CNGA1: variants seen among roughly 807,000 people sequenced by gnomAD.
CNGA1 encodes cyclic nucleotide-gated channel alpha-1.
Under a neutral mutation model 69.7 loss-of-function variants are expected in CNGA1, and 53 were observed. The observed-to-expected ratio is 0.76, with a 90% confidence interval of 0.61 to 0.96. The LOEUF is 0.96. Ranked by LOEUF, CNGA1 falls within the 40% of genes least tolerant of loss-of-function variation. The pLI is 0.00. For synonymous variants in CNGA1, 249 were observed against 283.5 expected (o/e 0.88, Z 1.22); for missense variants, 739 against 811.2 (o/e 0.91, Z 1.08).
At chr4:47,943,494 C>T (rs1739219884) in intron 6 of CNGA1, 82 bp from the exon 7 acceptor site, 3 of 919,220 alleles carry the variant, frequency 3.3e-6, no homozygotes, top group Non-Finnish European at 4.8e-6. Flanking sequence ...GCAAAAATCT[C>T]AGCTTTGCAT....
At chr4:47,993,218 G>A (rs966912293) in intron 2 of CNGA1, among the ~76,000 whole-genome samples, 3 of 152,064 alleles carry the variant, frequency 2.0e-5, no homozygotes, top group Admixed American at 2.0e-4. Flanking sequence ...GATTTAGGGA[G>A]GGTTCCCTCA....
intron 3 of CNGA1, among the ~76,000 whole-genome samples, chr4:47,964,739 C>T (rs1439779981): frequency 6.6e-6 from 1 of 151,998 alleles, no homozygotes; most frequent in East Asian, 1.9e-4. Context: ...ATGGAATTTG[C>T]ATTAAAATCA....
rs561165895 is a variant in CNGA1 at position 47,971,061 on chromosome 4, C to T, written c.-15+10332G>A. 2.8e-4 allele frequency: 129 copies of T among 453,570 alleles called. No homozygotes were observed. The highest frequency in any genetic ancestry group is 1.4e-3 in the Middle Eastern group (4 of 2,802). The allele number at this position is 453,570 out of a possible 1,614,324, so 28.1% of individuals were successfully genotyped here. ...TGAAGACTGCAGTGAGCCGAGATCG[C>T]GCCACTGCACTCCAGCCTGGGCGAA... On this transcript the variant is annotated intron_variant, in intron 3 of 10. Coordinates refer to ENST00000514170, the MANE Select transcript of CNGA1 (RefSeq NM_001379270.1).
intron 2 of CNGA1, among the ~76,000 whole-genome samples, chr4:48,008,572 G>T (rs321647): frequency 0.18 from 26,688 of 151,944 alleles, 2,527 homozygotes; most frequent in Middle Eastern, 0.24. Flanking sequence ...TATAACTTTA[G>T]ATTCTAAATT....
intron 2 of CNGA1, among the ~76,000 whole-genome samples, chr4:47,982,772 G>A (rs1205332084): frequency 6.6e-6 from 1 of 151,450 alleles, no homozygotes; most frequent in African/African-American, 2.4e-5. Context: ...CCTATTATTG[G>A]ATATTTTTTC....
intron 3 of CNGA1, among the ~76,000 whole-genome samples, chr4:47,969,380 G>A (rs1740892213): frequency 6.6e-6 from 1 of 152,056 alleles, no homozygotes; most frequent in Non-Finnish European, 1.5e-5. Flanking sequence ...GAAACACAGA[G>A]AACTGTGTTT....
intron 2 of CNGA1, among the ~76,000 whole-genome samples, chr4:48,005,858 T>G (rs1430676491): frequency 3.3e-5 from 5 of 152,246 alleles, no homozygotes; most frequent in Non-Finnish European, 5.9e-5. Context: ...GAAAACAGAT[T>G]CTTATTGCAT....
At chr4:47,947,284 C>T (rs767838425) in intron 6 of CNGA1, among the ~76,000 whole-genome samples, 3 of 152,130 alleles carry the variant, frequency 2.0e-5, no homozygotes, top group Non-Finnish European at 4.4e-5. Context: ...TGTGTCTGCA[C>T]CACAGCCTCA....
chr4:47,942,149 CTA>C lies in CNGA1; in HGVS notation c.438-3_438-2del. 6.3e-7 allele frequency: 1 copy of C among 1,593,086 alleles called. No homozygotes were observed. Among genetic ancestry groups the C allele is most frequent in the South Asian group, 1.1e-5 (1 of 90,606 alleles). ...AATAACCACAACTTCTTTCTTCTCC[CTA>C]GCGGCAATTAGAAATAAAGGGGATA... On this transcript the variant is annotated splice_acceptor_variant and splice_polypyrimidine_tract_variant and intron_variant, in intron 8 of 10. Coordinates refer to ENST00000514170, the MANE Select transcript of CNGA1 (RefSeq NM_001379270.1). LOFTEE classifies it high-confidence loss of function.
chr4:47,938,993 G>GAGAAAGAA (rs758549952), intron 10 of CNGA1, among the ~76,000 whole-genome samples: 2 of 140,348 alleles, frequency 1.4e-5, no homozygotes, highest in African/African-American at 5.6e-5. Flanking sequence ...AAGAAAGAAA[G>GAGAAAGAA]AGAAAGAAAG....
rs192912733 is a variant in CNGA1, at chr4:47,937,223, C to T, written c.1259G>A (p.Arg420Gln). The T allele has an allele frequency of 2.9e-4, 476 of 1,614,032 alleles. 2 individuals carry two copies. In the East Asian group the frequency reaches 8.7e-3, roughly 29 times the overall value. The change falls in exon 11 of 11, where the codon CGA (arginine) becomes CAA (glutamine). Residue 420 changes from arginine to glutamine, a missense_variant. Arg to Gln is a conservative substitution (Grantham distance 43). Transcript: ENST00000514170. ...CTTTTCCATATCTTTGCTTACATTT[C>T]GAAAATGCATATATTGCTTGATAGC... The part of the protein sequence containing the change: ...IDAIKQYMHF[R>Q]NVSKDMEKRV...
At chr4:47,950,962 A>G (rs1180623243) in intron 5 of CNGA1, among the ~76,000 whole-genome samples, 3 of 152,226 alleles carry the variant, frequency 2.0e-5, no homozygotes, top group African/African-American at 2.4e-5. Context: ...GAAATCAGAA[A>G]GGACTGGGTT....
At chr4:48,016,233 C>T (rs558350516) in intron 1 of CNGA1, among the ~76,000 whole-genome samples, 20 of 152,126 alleles carry the variant, frequency 1.3e-4, no homozygotes, top group African/African-American at 4.8e-4. Context: ...ATATAGCGGG[C>T]GTGGACGGAC....
At chr4:47,962,990 C>G (rs1419080701) in intron 3 of CNGA1, among the ~76,000 whole-genome samples, 1 of 151,566 alleles carries the variant, frequency 6.6e-6, no homozygotes, top group Non-Finnish European at 1.5e-5. Context: ...CAGGGTCTTA[C>G]CCTGTCACCC....
At chr4:48,002,977 T>C (rs965217291) in intron 2 of CNGA1, among the ~76,000 whole-genome samples, 1 of 152,212 alleles carries the variant, frequency 6.6e-6, no homozygotes, top group Non-Finnish European at 1.5e-5. Flanking sequence ...AGCTTGGTCC[T>C]GTGAACCCTG....
chr4:48,005,994 T>C (rs1018318418), intron 2 of CNGA1, among the ~76,000 whole-genome samples: 6 of 152,244 alleles, frequency 3.9e-5, no homozygotes, highest in African/African-American at 1.4e-4. Context: ...CTTACTCAAT[T>C]GTTAGAATCT....
intron 1 of CNGA1, among the ~76,000 whole-genome samples, chr4:48,011,321 A>AG (rs942423323): frequency 6.6e-6 from 1 of 150,888 alleles, no homozygotes; most frequent in African/African-American, 2.5e-5. Flanking sequence ...CTAAAAAAAA[A>AG]AAAGACAAGG....
intron 2 of CNGA1, among the ~76,000 whole-genome samples, chr4:47,989,794 C>T (rs1742167147): frequency 6.6e-6 from 1 of 151,548 alleles, no homozygotes; most frequent in Non-Finnish European, 1.5e-5. Context: ...CTCCCTCACC[C>T]CCTTCCCACC....
chr4:47,973,342 C>T (rs1159961715), intron 3 of CNGA1, among the ~76,000 whole-genome samples: 2 of 152,124 alleles, frequency 1.3e-5, no homozygotes, highest in East Asian at 3.9e-4. Context: ...TCCCAAAGTG[C>T]TGGGATTACA....
Sources: allele counts gnomAD v4.1 joint callset (sites outside exome capture counted in the v4.1 genomes callset), GRCh38; gene constraint gnomAD v4.1.1; transcripts MANE v1.5; gene names NCBI Gene and HGNC (gene_info 2026-07-23, HGNC 2026-07-21).